The following LAMB2 variants were observed in gnomAD, a reference collection of about 807,000 sequenced individuals.
The protein encoded by LAMB2 is laminin subunit beta 2, also known as laminin subunit beta-2.
In LAMB2, 119 loss-of-function variants were observed where a neutral mutation model predicts 202.7. The observed-to-expected ratio is 0.59, with a 90% CI of 0.51 to 0.68. The LOEUF is 0.68. LAMB2 is among the 30% of genes least tolerant of loss of function. LAMB2 has a pLI of 0.00. For missense variants in LAMB2, 2,124 were observed against 2,410.6 expected, an observed-to-expected ratio of 0.88 and a Z score of 2.49; for synonymous variants, 818 against 902.2, an observed-to-expected ratio of 0.91 and a Z score of 1.67.
intron 21 of LAMB2, 35 bp from the exon 22 acceptor site, chr3:49,124,647 G>A: frequency 6.2e-7 from 1 of 1,613,838 alleles, no homozygotes; most frequent in Non-Finnish European, 8.5e-7. Context: ...TAGTCAAGAG[G>A]AGGCCAAGAA....
rs139490252 is a variant in LAMB2, at chr3:49,122,836, G to T, written c.4441C>A (p.Arg1481Ser). The change falls in exon 27 of 32, where the codon CGT (arginine) becomes AGT (serine). Residue 1481 changes from arginine to serine, a missense_variant. This residue lies in a region of LAMB2 where 1,702 missense variants were observed against 1,896.3 expected (regional missense o/e 0.90). Transcript: ENST00000305544. The stretch of plus-strand genomic sequence containing the variant: ...TGCTGTGCCTCGCTTGCCTGCCGAC[G>T]AGTCTCAGCCACTCTGCTGAGGATG... The part of the protein sequence containing the change: ...GSILSRVAET[R>S]RQASEAQQRA... The T allele has an allele frequency of 6.2e-7, 1 of 1,612,802 alleles. No homozygotes were observed.
In LAMB2 at chr3:49,125,895, G is replaced by T. The variant is rs1290873100; in HGVS notation, c.2345-5C>A. The T allele has an allele frequency of 6.2e-7, 1 of 1,613,996 alleles. No individual in the cohort carries two copies. Among genetic ancestry groups the T allele is most frequent in the East Asian group, 2.2e-5 (1 of 44,890 alleles). On this transcript the variant is annotated splice_polypyrimidine_tract_variant and splice_region_variant and intron_variant, in intron 17 of 31. Transcript: ENST00000305544. ...CTTGAGGGTTGCACTGACATGCTGTGGGGAGGAGGGTTGGGCCAAGTCAGG... is the reference window on the plus strand; with the variant it reads ...CTTGAGGGTTGCACTGACATGCTGTTGGGAGGAGGGTTGGGCCAAGTCAGG...
chr3:49,128,401 C>T (rs2045443661), intron 15 of LAMB2, 57 bp downstream of exon 15: 2 of 1,596,434 alleles, frequency 1.3e-6, no homozygotes, highest in Admixed American at 3.4e-5. Flanking sequence ...CTGCAGGGAG[C>T]TTAGGGCTGG....
chr3:49,123,559 GTTCTCATC>G lies in LAMB2; in HGVS notation c.3862_3869del (p.Asp1288LeufsTer14). On this transcript the variant is annotated frameshift_variant, in exon 25 of 32. Transcript: ENST00000305544. LOFTEE classifies it high-confidence loss of function. ...CACTTAGTGCATGGTTGGCATTGAA[GTTCTCATC>G]TTGCACATCTGTCAGGTCTGCCTCG... 6.2e-7 allele frequency: 1 copy of G among 1,614,176 alleles called. No homozygotes were observed. The highest frequency in any genetic ancestry group is 8.5e-7 in the Non-Finnish European group (1 of 1,180,040).
Position 49,128,571 on chromosome 3 carries a change from C to A in LAMB2, c.1905G>T (p.Trp635Cys), listed in dbSNP as rs755847521. Residue 635 changes from tryptophan (W) to cysteine (C), a missense_variant, in exon 15 of 32, where the codon TGG (tryptophan) becomes TGT (cysteine). Transcript: ENST00000305544. Reference protein sequence around the residue: ...LRLEPQVPEQWAELELIVQRP... With the variant: ...LRLEPQVPEQCAELELIVQRP... ...GCTGCACAATCAGTTCCAACTCTGC[C>A]CATTGCTCAGGGACCTGGGAAAACG... is the stretch of plus-strand genomic sequence containing the variant. The A allele has an allele frequency of 6.2e-7, 1 of 1,614,244 alleles. No homozygotes were observed. The highest frequency in any genetic ancestry group is 8.5e-7 in the Non-Finnish European group (1 of 1,180,042).
chr3:49,121,426 T>G lies in LAMB2; in HGVS notation c.5260+7A>C. ...CAGTCTTGTGTCTCTGGTGCCCCAT[T>G]TCTTACCCTGTAGCCGCTGCAGCTT... On this transcript the variant is annotated splice_region_variant and intron_variant, in intron 31 of 31. Transcript: ENST00000305544. 1 of 1,614,062 alleles carries G rather than the reference T, an allele frequency of 6.2e-7. No individual in the cohort carries two copies. The highest frequency in any genetic ancestry group is 2.2e-5 in the East Asian group (1 of 44,870).
rs200165604 is a variant in LAMB2 at position 49,121,833 on chromosome 3, G to A, written c.4951C>T (p.Arg1651Trp). 6.3e-5 allele frequency: 102 copies of A among 1,612,904 alleles called. No homozygotes were observed. In the Admixed American group the frequency reaches 1.0e-3, roughly 16 times the overall value. The change falls in exon 30 of 32, where the codon CGG (arginine) becomes TGG (tryptophan). Residue 1651 changes from arginine (R) to tryptophan (W), a missense_variant. Transcript: ENST00000305544. ...QVQERMAGAE[R>W]ALSSAGERAR... The stretch of plus-strand genomic sequence containing the variant: ...CTTTCACCTGCAGAGCTCAGTGCCC[G>A]CTCTGCACCTGCCATCCTCTCCTGT...
rs763491542 is a variant in LAMB2 at position 49,130,221 on chromosome 3, C to T, written c.1225+10G>A. 1 of 1,614,110 alleles carries T rather than the reference C, an allele frequency of 6.2e-7. No homozygotes were observed. Among genetic ancestry groups the T allele is most frequent in the South Asian group, 1.1e-5 (1 of 91,064 alleles). On this transcript the variant is annotated intron_variant, in intron 9 of 31. Transcript: ENST00000305544. The surrounding 1 kb of genome is among the most constrained non-coding windows in gnomAD (Gnocchi z 5.0). ...CAGCTTTCTCTCCCCGTGCCCAATC[C>T]CAGCCTCACAGCGGCACACAGCCGG... is the stretch of plus-strand genomic sequence containing the variant.
chr3:49,123,160 G>T lies in LAMB2; in HGVS notation c.4196C>A (p.Thr1399Asn). The T allele has an allele frequency of 6.2e-7, 1 of 1,613,490 alleles. No individual in the cohort carries two copies. Among genetic ancestry groups the T allele is most frequent in the Non-Finnish European group, 8.5e-7 (1 of 1,180,024 alleles). The change falls in exon 26 of 32, where the codon ACC (threonine) becomes AAC (asparagine). Residue 1399 changes from threonine (T) to asparagine (N), a missense_variant. Physicochemically the swap from Thr to Asn is moderately conservative, Grantham distance 65 (BLOSUM62 0). This residue lies in a region of LAMB2 where 1,702 missense variants were observed against 1,896.3 expected (regional missense o/e 0.90). Transcript: ENST00000305544. ...CTCATTTATGTCTGTCAGGCTCAGG[G>T]TGTGGGTATGGGCAGAGAGCTTGCC... ...ALGKLSAHTH[T>N]LSLTDINELV...
chr3:49,132,797 A>G lies in LAMB2; in HGVS notation c.71T>C (p.Leu24Pro). 2 of 1,614,092 alleles carry G rather than the reference A, an allele frequency of 1.2e-6. No homozygotes were observed. Among genetic ancestry groups the G allele is most frequent in the Non-Finnish European group, 1.7e-6 (2 of 1,179,996 alleles). ...LPWELRLGLL[L>P]SVLAATLAQA... ...CCCCCACCAGGCCCTCTCACCGCTT[A>G]GCAGTAGGCCCAGTCGAAGTTCCCA... Residue 24 changes from leucine to proline, a missense_variant, in exon 1 of 32, where the codon CTA becomes CCA. Leu to Pro is a moderately conservative substitution (Grantham distance 98). Around this residue, in one of 3 missense-constraint regions of LAMB2, gnomAD observed 166 missense variants for 158.2 expected, o/e 1.05. Coordinates refer to ENST00000305544, the MANE Select transcript of LAMB2 (RefSeq NM_002292.4). This position sits in a 1 kb window ranked among gnomAD's most constrained non-coding sequence, Gnocchi z 4.6.
chr3:49,132,587 C>G lies in LAMB2; in HGVS notation c.153G>C (p.Thr51=). 1 of 1,613,732 alleles carries G rather than the reference C, an allele frequency of 6.2e-7. No homozygotes were observed. Among genetic ancestry groups the G allele is most frequent in the Non-Finnish European group, 8.5e-7 (1 of 1,180,016 alleles). Residue 51 remains threonine (T), a synonymous_variant, in exon 2 of 32, where the codon ACG becomes ACC. Transcript: ENST00000305544. The surrounding 1 kb of genome is among the most constrained non-coding windows in gnomAD (Gnocchi z 4.6). The part of the protein sequence containing the change: ...GCSRGSCYPA[T]GDLLVGRADR... Reference sequence around the variant, plus strand: ...CAGCTCGGCCCACCAGCAGGTCGCCCGTGGCGGGGTAGCAGCTTCCCCTGG... The same window carrying G: ...CAGCTCGGCCCACCAGCAGGTCGCCGGTGGCGGGGTAGCAGCTTCCCCTGG...
rs771630456 is a variant in LAMB2 at position 49,128,740 on chromosome 3, T to G, written c.1811A>C (p.Glu604Ala). The change falls in exon 14 of 32, where the codon GAA (glutamate) becomes GCA (alanine). Residue 604 changes from glutamate to alanine, a missense_variant. Transcript: ENST00000305544. ...CACCAGGAACTCCAGGGTCTGACCTTCCTGTAGCCGCACGAAGCCTGAGCC... is the reference window on the plus strand; with the variant it reads ...CACCAGGAACTCCAGGGTCTGACCTGCCTGTAGCCGCACGAAGCCTGAGCC... ...WTGSGFVRLQ[E>A]GQTLEFLVAS... The G allele has an allele frequency of 3.7e-6, 6 of 1,613,960 alleles. No homozygotes were observed. The highest frequency in any genetic ancestry group is 5.1e-6 in the Non-Finnish European group (6 of 1,180,020).
chr3:49,127,696 A>AAAAC (rs889842642), intron 15 of LAMB2, among the ~76,000 whole-genome samples: 11 of 151,260 alleles, frequency 7.3e-5, no homozygotes, highest in Middle Eastern at 3.4e-3. Context: ...CTCCATCTCA[A>AAAAC]AAACAAACAA....
Position 49,130,626 on chromosome 3 carries a change from T to C in LAMB2, c.1036+114A>G. 6.5e-7 allele frequency: 1 copy of C among 1,531,524 alleles called. No individual in the cohort carries two copies. The highest frequency in any genetic ancestry group is 1.7e-5 in the Admixed American group (1 of 59,908). 94.9% of individuals were successfully genotyped at this position (1,531,524 alleles called of 1,614,324 possible). On this transcript the variant is annotated intron_variant, in intron 8 of 31. Coordinates refer to ENST00000305544, the MANE Select transcript of LAMB2 (RefSeq NM_002292.4). The surrounding 1 kb of genome is among the most constrained non-coding windows in gnomAD (Gnocchi z 5.0). Reference sequence around the variant, plus strand: ...GTCCCAAGGGGCATCAAGGTCTGCATACTCTTTGGATACAGCCTGGGTTTT... The same window carrying C: ...GTCCCAAGGGGCATCAAGGTCTGCACACTCTTTGGATACAGCCTGGGTTTT...
Position 49,132,850 on chromosome 3 carries a change from C to T in LAMB2, c.18G>A (p.Arg6=), listed in dbSNP as rs2045497204. MELTS[R]ERGRGQPLPW... ...GCAGAGGCTGTCCCCTCCCTCTTTC[C>T]CTTGAGGTCAGCTCCATCCTGAAGA... Residue 6 remains arginine, a synonymous_variant, in exon 1 of 32, where the codon AGG becomes AGA. Coordinates refer to ENST00000305544, the MANE Select transcript of LAMB2 (RefSeq NM_002292.4). This position sits in a 1 kb window ranked among gnomAD's most constrained non-coding sequence, Gnocchi z 4.6. 1.2e-6 allele frequency: 2 copies of T among 1,614,146 alleles called. No homozygotes were observed. Among genetic ancestry groups the T allele is most frequent in the East Asian group, 4.5e-5 (2 of 44,882 alleles).
At position 49,128,513 on chromosome 3, in the gene LAMB2, C is replaced by CA; in HGVS notation, c.1962dup (p.Gly655TrpfsTer8). On this transcript the variant is annotated frameshift_variant, in exon 15 of 32. Transcript: ENST00000305544. LOFTEE classifies it high-confidence loss of function. ...CGATCATCCTTGGGCACCAAATGCCCACACAGGCTGTGGGCAGGCACAGGC... is the reference window on the plus strand; with the variant it reads ...CGATCATCCTTGGGCACCAAATGCCCAACACAGGCTGTGGGCAGGCACAGGC... The CA allele has an allele frequency of 6.2e-7, 1 of 1,614,174 alleles. No individual in the cohort carries two copies. The highest frequency in any genetic ancestry group is 8.5e-7 in the Non-Finnish European group (1 of 1,180,038).
rs753527537 is a variant in LAMB2 at position 49,132,836 on chromosome 3, C to CCCCT, written c.28_31dup (p.Gly11GlufsTer51). The CCCCT allele has an allele frequency of 6.2e-7, 1 of 1,614,166 alleles. No individual in the cohort carries two copies. The highest frequency in any genetic ancestry group is 8.5e-7 in the Non-Finnish European group (1 of 1,180,032). ...TCGAAGTTCCCAGGGCAGAGGCTGT[C>CCCCT]CCCTCCCTCTTTCCCTTGAGGTCAG... is the stretch of plus-strand genomic sequence containing the variant. On this transcript the variant is annotated frameshift_variant, in exon 1 of 32. Transcript: ENST00000305544. LOFTEE classifies it high-confidence loss of function. The surrounding 1 kb of genome is among the most constrained non-coding windows in gnomAD (Gnocchi z 4.6).
In LAMB2 at chr3:49,125,982, A is replaced by G. The variant is rs2045409548; in HGVS notation, c.2329T>C (p.Tyr777His). ...PLLISLSTLI[Y>H]NGALPCQCNP... Reference sequence around the variant, plus strand: ...AGACACTCACGCAGGGCACCATTGTAGATGAGGGTGGACAGGCTGATGAGG... The same window carrying G: ...AGACACTCACGCAGGGCACCATTGTGGATGAGGGTGGACAGGCTGATGAGG... Residue 777 changes from tyrosine (Y) to histidine (H), a missense_variant, in exon 17 of 32, where the codon TAC becomes CAC. Tyr to His is a moderately conservative substitution (Grantham distance 83). Coordinates refer to ENST00000305544, the MANE Select transcript of LAMB2 (RefSeq NM_002292.4). 3.7e-6 allele frequency: 6 copies of G among 1,614,082 alleles called. No homozygotes were observed. The highest frequency in any genetic ancestry group is 5.1e-6 in the Non-Finnish European group (6 of 1,180,040).
intron 18 of LAMB2, 65 bp from the exon 19 acceptor site, chr3:49,125,549 A>C: frequency 2.5e-6 from 3 of 1,180,140 alleles, no homozygotes; most frequent in Non-Finnish European, 3.7e-6. Context: ...TGGGTGGGGG[A>C]GGGTCTCAGG....
Sources: gnomAD v4.1 joint callset for allele counts (sites outside exome capture counted in the v4.1 genomes callset) on GRCh38, gnomAD v4.1.1 for gene constraint, gnomAD v4.1.1 regional missense constraint, Gnocchi (gnomAD v3.1) non-coding constraint, MANE v1.5 for transcripts, NCBI Gene and HGNC (gene_info 2026-07-23, HGNC 2026-07-21) for gene names.